The following KLHL31 variants were observed in gnomAD, a reference collection of about 807,000 sequenced individuals.
KLHL31 encodes the protein kelch-like protein 31.
Under a neutral mutation model 47.1 loss-of-function variants are expected in KLHL31, and 32 were observed. That is an observed-to-expected ratio of 0.68 (90% CI 0.51 to 0.91). KLHL31 has a LOEUF of 0.91. Among genes scored for constraint, KLHL31 ranks in the 40% least tolerant of loss-of-function variants. The probability of loss-of-function intolerance (pLI) is 0.00; values close to 1 mark genes in which losing one functional copy is unlikely to be tolerated. For synonymous variants in KLHL31, 330 were observed against 325.1 expected, an observed-to-expected ratio of 1.01 and a Z score of -0.16; for missense variants, 797 against 819.3, an observed-to-expected ratio of 0.97 and a Z score of 0.33.
chr6:53,657,610 T>TTGTGTGTGTGTGTGTG (rs57566339), intron 1 of KLHL31, among the ~76,000 whole-genome samples: 50 of 138,806 alleles, frequency 3.6e-4, no homozygotes, highest in East Asian at 1.5e-3. Context: ...TGTTTTTGTT[T>TTGTGTGTGTGTGTGTG]TGTGTGTGTG....
chr6:53,657,563 G>A (rs1344011277), intron 1 of KLHL31, among the ~76,000 whole-genome samples: 2 of 149,956 alleles, frequency 1.3e-5, no homozygotes, highest in Non-Finnish European at 3.0e-5. Context: ...TTATCCTGTT[G>A]ATAAGCATTT....
intron 1 of KLHL31, among the ~76,000 whole-genome samples, chr6:53,663,680 T>C (rs1013680882): frequency 1.5e-4 from 23 of 152,378 alleles, no homozygotes; most frequent in African/African-American, 5.5e-4. Flanking sequence ...TAAGGCTGTA[T>C]ATAGGACACA....
At position 53,652,348 on chromosome 6, in the gene KLHL31, G is replaced by C. The variant is rs1764489404; in HGVS notation, c.1173-18C>G. On this transcript the variant is annotated intron_variant, in intron 2 of 2. Transcript: ENST00000370905. The stretch of plus-strand genomic sequence containing the variant: ...GATCGTATCTGGAAATGATAGAGAA[G>C]GTGTAACAGCTTTGTCGGCGGCAGC... The C allele has an allele frequency of 6.2e-7, 1 of 1,612,414 alleles. No individual in the cohort carries two copies. Among genetic ancestry groups the C allele is most frequent in the African/African-American group, 1.3e-5 (1 of 74,928 alleles).
chr6:53,656,982 G>C (rs778321398), intron 1 of KLHL31, among the ~76,000 whole-genome samples: 1 of 134,590 alleles, frequency 7.4e-6, no homozygotes, highest in Non-Finnish European at 1.5e-5. Context: ...ACCCAGGCTA[G>C]AGTGTAGTGG....
chr6:53,661,232 T>C (rs929187490), intron 1 of KLHL31, among the ~76,000 whole-genome samples: 3 of 152,216 alleles, frequency 2.0e-5, no homozygotes, highest in Non-Finnish European at 4.4e-5. Context: ...AGCCACATCT[T>C]ATGCTCCAGG....
In KLHL31 at chr6:53,654,629, T is replaced by C; in HGVS notation, c.644A>G (p.Gln215Arg). 6.2e-7 allele frequency: 1 copy of C among 1,614,206 alleles called. No homozygotes were observed. The highest frequency in any genetic ancestry group is 8.5e-7 in the Non-Finnish European group (1 of 1,180,020). Residue 215 changes from glutamine to arginine, a missense_variant, in exon 2 of 3, where the codon CAA becomes CGA. Gln to Arg is a conservative substitution (Grantham distance 43). Transcript: ENST00000370905. ...SDQFMKLTFEQINELLIDDDL... is the reference protein window; with the variant it reads ...SDQFMKLTFERINELLIDDDL... ...ATCATCTATAAGAAGTTCATTAATT[T>C]GTTCAAATGTAAGTTTCATAAACTG...
Position 53,654,164 on chromosome 6 carries a change from G to A in KLHL31, c.1109C>T (p.Ala370Val), listed in dbSNP as rs1236682087. ...TGCATCATTCTGGTCTTCACCACCG[G>A]CTACATAAAGAAATCCATCCATCAC... ...VAVMDGFLYV[A>V]GGEDQNDARN... is the part of the protein sequence containing the mutation. The change falls in exon 2 of 3, where the codon GCC becomes GTC. Residue 370 changes from alanine to valine, a missense_variant. Coordinates refer to ENST00000370905, the MANE Select transcript of KLHL31 (RefSeq NM_001003760.5). 1.9e-6 allele frequency: 3 copies of A among 1,613,766 alleles called. No homozygotes were observed. The highest frequency in any genetic ancestry group is 4.5e-5 in the East Asian group (2 of 44,890).
intron 1 of KLHL31, among the ~76,000 whole-genome samples, chr6:53,658,670 A>T (rs1764605305): frequency 6.6e-6 from 1 of 152,144 alleles, no homozygotes. Context: ...TTAGAGAGGG[A>T]TCTTAGTATT....
Position 53,648,858 on chromosome 6 carries a change from G to C in KLHL31, c.*2740C>G, listed in dbSNP as rs1764429211. 1 of 152,080 alleles carries C rather than the reference G, an allele frequency of 6.6e-6. No homozygotes were observed. Among genetic ancestry groups the C allele is most frequent in the Non-Finnish European group, 1.5e-5 (1 of 67,972 alleles). The allele number at this position is 152,080 out of a possible 1,614,324, so 9.4% of individuals were successfully genotyped here. On this transcript the variant is annotated 3_prime_UTR_variant, in exon 3 of 3. Transcript: ENST00000370905. ...TCTCATCAGGTCTCTGGCCCATTTA[G>C]AAAAAGAGAGCTTGAATTTTATTAT...
rs758699491 is a variant in KLHL31, at chr6:53,655,195, G to C, written c.78C>G (p.Pro26=). The part of the protein sequence containing the change: ...NEMTIIVEDS[P]LNKLNALNGL... ...CATTCAAAGCATTCAGTTTGTTTAGGGGGCTATCTTCTACGATTATAGTCA... is the reference window on the plus strand; with the variant it reads ...CATTCAAAGCATTCAGTTTGTTTAGCGGGCTATCTTCTACGATTATAGTCA... The change falls in exon 2 of 3, where the codon CCC becomes CCG. Residue 26 remains proline (P), a synonymous_variant. Coordinates refer to ENST00000370905, the MANE Select transcript of KLHL31 (RefSeq NM_001003760.5). 1.9e-6 allele frequency: 3 copies of C among 1,612,660 alleles called. No homozygotes were observed. The Admixed American group carries it at 5.0e-5, about 27-fold the overall frequency.
intron 2 of KLHL31, 166 bp from the exon 3 acceptor site, chr6:53,652,496 A>G (rs531435427): frequency 1.3e-6 from 1 of 764,624 alleles, no homozygotes; most frequent in East Asian, 2.6e-5. Context: ...GCCAGTAAAA[A>G]TGTGTGACAC....
In KLHL31 at chr6:53,652,186, G is replaced by T. The variant is rs1417075136; in HGVS notation, c.1317C>A (p.Tyr439Ter). The T allele has an allele frequency of 6.2e-7, 1 of 1,610,904 alleles. No individual in the cohort carries two copies. ...AEGSLASLEC[Y>*]VPSTNQWQPK... ...GCTGCCACTGATTGGTGGAGGGCAC[G>T]TAGCACTCCAGCGAGGCCAGGCTTC... is the stretch of plus-strand genomic sequence containing the variant. Residue 439 changes from tyrosine to a stop codon, truncating the protein, a stop_gained, in exon 3 of 3, where the codon TAC becomes TAA. Coordinates refer to ENST00000370905, the MANE Select transcript of KLHL31 (RefSeq NM_001003760.5). LOFTEE classifies it high-confidence loss of function.
At chr6:53,655,370 T>C (rs537925542) in intron 1 of KLHL31, 65 bp from the exon 2 acceptor site, 26 of 713,570 alleles carry the variant, frequency 3.6e-5, no homozygotes, top group East Asian at 1.1e-4. Flanking sequence ...AAATACTACA[T>C]TGAGAAACTT....
Position 53,654,375 on chromosome 6 carries a change from G to T in KLHL31, c.898C>A (p.His300Asn). ...CGCCTAGATTGCAATGTGTTTTGAT[G>T]ATATGGAAGCAAGTGGTAGTTCATA... ...DAMNYHLLPY[H>N]QNTLQSRRTR... is the part of the protein sequence containing the mutation. The change falls in exon 2 of 3, where the codon CAT becomes AAT. Residue 300 changes from histidine to asparagine, a missense_variant. Transcript: ENST00000370905. 1.2e-6 allele frequency: 2 copies of T among 1,614,190 alleles called. No individual in the cohort carries two copies. Among genetic ancestry groups the T allele is most frequent in the African/African-American group, 1.3e-5 (1 of 75,046 alleles).
At chr6:53,665,316 T>C (rs1764703197) in intron 1 of KLHL31, among the ~76,000 whole-genome samples, 1 of 152,212 alleles carries the variant, frequency 6.6e-6, no homozygotes, top group Non-Finnish European at 1.5e-5. Flanking sequence ...ATTTAGAATT[T>C]TTGTTAGAAA....
Position 53,655,155 on chromosome 6 carries a change from C to A in KLHL31, c.118G>T (p.Gly40Cys), listed in dbSNP as rs760965587. 3 of 1,614,046 alleles carry A rather than the reference C, an allele frequency of 1.9e-6. No homozygotes were observed. In the African/African-American group the frequency reaches 4.0e-5, roughly 22 times the overall value. ...GAAGAAATGCAGCTAAGGCCATTGCCTCCCTCTAGGAGCCCATTCAAAGCA... is the reference window on the plus strand; with the variant it reads ...GAAGAAATGCAGCTAAGGCCATTGCATCCCTCTAGGAGCCCATTCAAAGCA... ...LNALNGLLEG[G>C]NGLSCISSEL... is the part of the protein sequence containing the mutation. Residue 40 changes from glycine (G) to cysteine (C), a missense_variant, in exon 2 of 3, where the codon GGC (glycine) becomes TGC (cysteine). Physicochemically the swap from Gly to Cys is radical, Grantham distance 159 (BLOSUM62 -3). Coordinates refer to ENST00000370905, the MANE Select transcript of KLHL31 (RefSeq NM_001003760.5).
At chr6:53,660,357 C>T (rs1764627510) in intron 1 of KLHL31, among the ~76,000 whole-genome samples, 1 of 152,106 alleles carries the variant, frequency 6.6e-6, no homozygotes, top group Admixed American at 6.5e-5. Flanking sequence ...TTACTGAAAA[C>T]TTATAGATAG....
chr6:53,648,016 T>G lies in KLHL31; in HGVS notation c.*3582A>C, dbSNP rs768613758. The G allele has an allele frequency of 1.3e-5, 2 of 152,670 alleles. No individual in the cohort carries two copies. The highest frequency in any genetic ancestry group is 1.5e-5 in the Non-Finnish European group (1 of 68,036). 9.5% of individuals were successfully genotyped at this position (152,670 alleles called of 1,614,324 possible). A position where few individuals can be genotyped will look rare whatever the true frequency, so the allele number is the denominator to read the frequency against. On this transcript the variant is annotated 3_prime_UTR_variant, in exon 3 of 3. Transcript: ENST00000370905. ...TTCCTTATATAGTACCAGAATGTTT[T>G]AAGCAAAGAAAGAAATTTTTTTGCC... is the stretch of plus-strand genomic sequence containing the variant.
chr6:53,662,394 C>G (rs962481620), intron 1 of KLHL31, among the ~76,000 whole-genome samples: 1 of 152,194 alleles, frequency 6.6e-6, no homozygotes, highest in African/African-American at 2.4e-5. Context: ...TTAGCCAGAG[C>G]AGCTGAGGTT....
Sources: gnomAD v4.1 joint callset for allele counts (sites outside exome capture counted in the v4.1 genomes callset) on GRCh38, gnomAD v4.1.1 for gene constraint, MANE v1.5 for transcripts, NCBI Gene and HGNC (gene_info 2026-07-23, HGNC 2026-07-21) for gene names.